The following DHRSX variants were observed in gnomAD, a reference collection of about 807,000 sequenced individuals.
DHRSX encodes polyprenol dehydrogenase.
A neutral mutation model predicts 34.0 loss-of-function variants in DHRSX; 31 were observed. That is an observed-to-expected ratio of 0.91 (90% CI 0.69 to 1.23). The LOEUF (loss-of-function observed/expected upper bound fraction) is 1.23, where lower values mean the gene tolerates loss of function less well. DHRSX is among the 50% of genes most tolerant of loss of function. The pLI is 0.00. For missense variants in DHRSX, 414 were observed against 428.1 expected (o/e 0.97, Z 0.29); for synonymous variants, 201 against 183.8 (o/e 1.09, Z -0.76).
intron 1 of DHRSX, among the ~76,000 whole-genome samples, chrX:2,432,888 T>C (rs2043945030): frequency 6.6e-6 from 1 of 152,072 alleles, no homozygotes. Flanking sequence ...CTTTGAGGGC[T>C]GAGGTGGGGG....
intron 3 of DHRSX, among the ~76,000 whole-genome samples, chrX:2,304,316 G>A (rs192267641): frequency 6.6e-5 from 9 of 135,752 alleles, no homozygotes; most frequent in African/African-American, 2.9e-4. Context: ...TGGATGAATG[G>A]ATGGATGGAT....
chrX:2,431,217 C>T lies in DHRSX; in HGVS notation c.110-5913G>A, dbSNP rs187276753. Reference sequence around the variant, plus strand: ...GCGGGCGCCTGTAGTCCCAGCTACTCGGAAGGCTGAGGCAGGAGAATGGCG... The same window carrying T: ...GCGGGCGCCTGTAGTCCCAGCTACTTGGAAGGCTGAGGCAGGAGAATGGCG... On this transcript the variant is annotated intron_variant, in intron 1 of 6. Coordinates refer to ENST00000334651, the MANE Select transcript of DHRSX (RefSeq NM_145177.3). 1.7e-3 allele frequency among the ~76,000 whole-genome samples: 264 copies of T among 150,948 alleles called. 1 individual carries two copies. Among genetic ancestry groups the T allele is most frequent in the African/African-American group, 5.7e-3 (232 of 41,056 alleles).
intron 1 of DHRSX, chrX:2,490,240 A>G (rs765189562): frequency 6.2e-7 from 1 of 1,613,640 alleles, no homozygotes; most frequent in Non-Finnish European, 8.5e-7. Flanking sequence ...TGGGCAGCTC[A>G]TACCGGGGGT....
chrX:2,350,493 C>T (rs1348082251), intron 3 of DHRSX, among the ~76,000 whole-genome samples: 4 of 152,138 alleles, frequency 2.6e-5, no homozygotes, highest in East Asian at 1.9e-4. Flanking sequence ...AGACAAATAC[C>T]GCATGATGTC....
At chrX:2,478,561 G>A (rs1210072332) in intron 1 of DHRSX, among the ~76,000 whole-genome samples, 28 of 75,900 alleles carry the variant, frequency 3.7e-4, no homozygotes, top group African/African-American at 1.5e-4. Context: ...CATTGAAGAG[G>A]TTCCCTAAGA....
chrX:2,247,308 T>C (rs989974377), intron 5 of DHRSX, among the ~76,000 whole-genome samples: 1 of 151,754 alleles, frequency 6.6e-6, no homozygotes, highest in Non-Finnish European at 1.5e-5. Flanking sequence ...ACACTATATT[T>C]TGCAGATGAA....
chrX:2,452,233 G>A (rs972457244), intron 1 of DHRSX, among the ~76,000 whole-genome samples: 1 of 150,050 alleles, frequency 6.7e-6, no homozygotes, highest in African/African-American at 2.5e-5. Context: ...CCAAGGGACT[G>A]CTGCCATGTG....
At chrX:2,330,793 A>G (rs753459176) in intron 3 of DHRSX, among the ~76,000 whole-genome samples, 181 of 143,720 alleles carry the variant, frequency 1.3e-3, no homozygotes, top group African/African-American at 4.5e-3. Flanking sequence ...AGAGAATGAG[A>G]AAGAGAGAAT....
intron 3 of DHRSX, among the ~76,000 whole-genome samples, chrX:2,297,076 T>A (rs1342217064): frequency 6.6e-6 from 1 of 152,024 alleles, no homozygotes; most frequent in Non-Finnish European, 1.5e-5. Flanking sequence ...GTGAGCATCA[T>A]CTTGGGAATA....
Position 2,468,624 on chromosome X carries a change from G to A in DHRSX, c.109+32193C>T, listed in dbSNP as rs373772687. 1.0e-3 allele frequency among the ~76,000 whole-genome samples: 157 copies of A among 150,602 alleles called. 1 individual carries two copies. The highest frequency in any genetic ancestry group is 3.7e-3 in the African/African-American group (151 of 40,944). On this transcript the variant is annotated intron_variant, in intron 1 of 6. Transcript: ENST00000334651. ...CTAAGTATGCGGCCAAGGGACCGCC[G>A]CCATGTACACACTGAAGACATTCCC...
intron 3 of DHRSX, among the ~76,000 whole-genome samples, chrX:2,399,390 A>G (rs1273865463): frequency 3.4e-5 from 5 of 147,004 alleles, no homozygotes; most frequent in African/African-American, 1.3e-4. Context: ...ACAGTCAATA[A>G]GGGCCATTTT....
At chrX:2,367,473 T>C (rs1258532266) in intron 3 of DHRSX, among the ~76,000 whole-genome samples, 3 of 149,668 alleles carry the variant, frequency 2.0e-5, no homozygotes, top group African/African-American at 7.4e-5. Flanking sequence ...AAAAGAACGA[T>C]GCTACATTCT....
intron 1 of DHRSX, among the ~76,000 whole-genome samples, chrX:2,434,720 TA>T: frequency 6.6e-6 from 1 of 152,306 alleles, no homozygotes; most frequent in South Asian, 2.1e-4. Context: ...TTGGCTCAGC[TA>T]TTCCACTTCC....
At chrX:2,464,002 T>C (rs1035871262) in intron 1 of DHRSX, among the ~76,000 whole-genome samples, 18 of 152,266 alleles carry the variant, frequency 1.2e-4, no homozygotes, top group African/African-American at 4.3e-4. Flanking sequence ...AGACATTCGC[T>C]AAGAATATGG....
intron 3 of DHRSX, among the ~76,000 whole-genome samples, chrX:2,383,346 C>G (rs1212165705): frequency 1.3e-5 from 2 of 151,942 alleles, no homozygotes; most frequent in Non-Finnish European, 2.9e-5. Flanking sequence ...ATTATCACAT[C>G]AGCAGCAGCA....
At chrX:2,246,704 AAG>A (rs1278129185) in intron 5 of DHRSX, among the ~76,000 whole-genome samples, 156 of 76,664 alleles carry the variant, frequency 2.0e-3, no homozygotes, top group African/African-American at 7.4e-3. Flanking sequence ...AAAAGAAAGA[AAG>A]AGAAAGAAAG....
intron 6 of DHRSX, among the ~76,000 whole-genome samples, chrX:2,231,906 ATCT>A (rs768064054): frequency 0.011 from 1,504 of 137,496 alleles, 14 homozygotes; most frequent in Non-Finnish European, 0.016. Flanking sequence ...TCTTTCTCTT[ATCT>A]TCTTCTTTTC....
intron 2 of DHRSX, among the ~76,000 whole-genome samples, chrX:2,422,519 C>T (rs1240058494): frequency 2.6e-5 from 4 of 152,220 alleles, no homozygotes; most frequent in African/African-American, 7.2e-5. Context: ...CCTCGGCTTC[C>T]TAAAGTGCTG....
In DHRSX at chrX:2,397,952, ACATAGATACATATGCCAACAGGCTGATCT is replaced by A. The variant is rs1160529853; in HGVS notation, c.286+10764_286+10792del. On this transcript the variant is annotated intron_variant, in intron 3 of 6. Transcript: ENST00000334651. Reference sequence around the variant, plus strand: ...CGCGCACACACACACACACACACACACATAGATACATATGCCAACAGGCTGATCTCACACACATAGATACATATGCCAAC... The same window carrying A: ...CGCGCACACACACACACACACACACACACACACATAGATACATATGCCAAC... Among the ~76,000 whole-genome samples the A allele has an allele frequency of 1.7e-3, 251 of 149,490 alleles. 1 individual carries two copies. The highest frequency in any genetic ancestry group is 5.8e-3 in the African/African-American group (230 of 39,630).
Sources: allele counts gnomAD v4.1 joint callset (sites outside exome capture counted in the v4.1 genomes callset), GRCh38; gene constraint gnomAD v4.1.1; transcripts MANE v1.5; gene names NCBI Gene and HGNC (gene_info 2026-07-23, HGNC 2026-07-21).